The following CSMD1 variants were observed in gnomAD, a reference collection of about 807,000 sequenced individuals.
CSMD1 encodes the protein CUB and Sushi multiple domains 1.
A neutral mutation model predicts 417.5 loss-of-function variants in CSMD1; 213 were observed. The ratio of observed to expected loss-of-function variants is 0.51; its 90% CI spans 0.46 to 0.57. CSMD1 has a LOEUF of 0.57. CSMD1 is among the 20% of genes least tolerant of loss of function. The pLI is 0.00. For missense variants in CSMD1, 6,923 were observed against 4,529.7 expected, an observed-to-expected ratio of 1.53 and a Z score of -15.17; for synonymous variants, 2,862 against 1,736.8, an observed-to-expected ratio of 1.65 and a Z score of -16.11.
intron 1 of CSMD1, among the ~76,000 whole-genome samples, chr8:4,699,235 A>G (rs941307116): frequency 6.6e-6 from 1 of 152,192 alleles, no homozygotes; most frequent in Non-Finnish European, 1.5e-5. Flanking sequence ...TGCTTAAAGG[A>G]TAACTTTCAA....
intron 3 of CSMD1, among the ~76,000 whole-genome samples, chr8:4,166,927 G>C (rs1396156460): frequency 1.3e-5 from 2 of 152,198 alleles, no homozygotes; most frequent in African/African-American, 4.8e-5. Context: ...TCAGCAGCCA[G>C]GTGGGGTCAG....
rs111460003 is a variant in CSMD1, at chr8:4,655,553, G to C, written c.86-17995C>G. Reference sequence around the variant, plus strand: ...ATATTTACTTCCACTGACATTTTAAGAGGAAATAAACAGTTGAATTACTTA... The same window carrying C: ...ATATTTACTTCCACTGACATTTTAACAGGAAATAAACAGTTGAATTACTTA... On this transcript the variant is annotated intron_variant, in intron 1 of 69. Transcript: ENST00000635120. Among the ~76,000 whole-genome samples the C allele has an allele frequency of 2.2e-3, 335 of 152,202 alleles. 2 individuals are homozygous for C. The highest frequency in any genetic ancestry group is 7.7e-3 in the African/African-American group (320 of 41,476).
At chr8:4,745,084 G>T (rs147180300) in intron 1 of CSMD1, among the ~76,000 whole-genome samples, 3 of 151,834 alleles carry the variant, frequency 2.0e-5, no homozygotes, top group African/African-American at 7.3e-5. Context: ...ATAAAATCTC[G>T]AGAAATGCGT....
At chr8:3,567,929 C>T (rs73179142) in intron 10 of CSMD1, among the ~76,000 whole-genome samples, 35,286 of 152,036 alleles carry the variant, frequency 0.23, 4,393 homozygotes, top group Non-Finnish European at 0.28. Flanking sequence ...TGTTGACATC[C>T]CCATGGACGC....
chr8:4,197,679 G>T (rs28416648), intron 3 of CSMD1, among the ~76,000 whole-genome samples: 2,939 of 152,256 alleles, frequency 0.019, 52 homozygotes, highest in Non-Finnish European at 0.031. Flanking sequence ...AGGAGTTTGA[G>T]GCCAGCTTGG....
At chr8:4,332,105 C>G (rs973716996) in intron 3 of CSMD1, among the ~76,000 whole-genome samples, 4 of 152,060 alleles carry the variant, frequency 2.6e-5, no homozygotes, top group African/African-American at 7.2e-5. Context: ...TGCCAAGAAA[C>G]CACGCATAAT....
chr8:3,528,015 A>T (rs1355236015), intron 10 of CSMD1, among the ~76,000 whole-genome samples: 5 of 152,262 alleles, frequency 3.3e-5, no homozygotes, highest in African/African-American at 1.2e-4. Context: ...CTGACAACCA[A>T]AACTGTCTCC....
At chr8:3,983,923 A>T (rs374132897) in intron 5 of CSMD1, among the ~76,000 whole-genome samples, 4 of 151,786 alleles carry the variant, frequency 2.6e-5, no homozygotes, top group Non-Finnish European at 4.4e-5. Flanking sequence ...CACATCTGAC[A>T]GGGCTGTCAA....
intron 26 of CSMD1, among the ~76,000 whole-genome samples, chr8:3,259,151 G>A (rs1392426520): frequency 6.6e-6 from 1 of 152,180 alleles, no homozygotes; most frequent in East Asian, 1.9e-4. Flanking sequence ...GGGCCATATT[G>A]AGCTGAAAAC....
chr8:4,311,810 T>G (rs1240332329), intron 3 of CSMD1, among the ~76,000 whole-genome samples: 1 of 149,944 alleles, frequency 6.7e-6, no homozygotes, highest in African/African-American at 2.5e-5. Flanking sequence ...TAGGGCCTAG[T>G]GGATGGTGGA....
intron 2 of CSMD1, among the ~76,000 whole-genome samples, chr8:4,441,821 TG>T (rs1258333731): frequency 6.6e-6 from 1 of 152,158 alleles, no homozygotes; most frequent in Non-Finnish European, 1.5e-5. Flanking sequence ...AATCAAACAC[TG>T]AAGTTTGAGT....
intron 49 of CSMD1, among the ~76,000 whole-genome samples, chr8:3,076,658 G>A (rs1051400184): frequency 6.6e-6 from 1 of 152,178 alleles, no homozygotes; most frequent in Non-Finnish European, 1.5e-5. Context: ...ATTTCAAGCT[G>A]TTTCCTCCCA....
At chr8:3,007,769 T>G in intron 52 of CSMD1, among the ~76,000 whole-genome samples, 1 of 100,762 alleles carries the variant, frequency 9.9e-6, no homozygotes, top group Admixed American at 1.5e-4. Context: ...TGGGGACCGC[T>G]GTGGGGTGGG....
rs548639408 is a variant in CSMD1 at position 3,487,393 on chromosome 8, G to C, written c.1448+6230C>G. On this transcript the variant is annotated intron_variant, in intron 11 of 69. Coordinates refer to ENST00000635120, the MANE Select transcript of CSMD1 (RefSeq NM_033225.6). ...ATTTTTTGTATTTTTAGTAGAGACA[G>C]GGTTTCACCATGTTAGCCAGGATGG... Among the ~76,000 whole-genome samples, 903 of 152,154 alleles carry C rather than the reference G, an allele frequency of 5.9e-3. 12 individuals are homozygous for C. Among genetic ancestry groups the C allele is most frequent in the African/African-American group, 0.021 (871 of 41,512 alleles).
intron 5 of CSMD1, among the ~76,000 whole-genome samples, chr8:3,945,461 T>C (rs770975934): frequency 2.9e-4 from 44 of 152,254 alleles, no homozygotes; most frequent in South Asian, 8.3e-4. Context: ...ATCTTTTCAA[T>C]TGTTTTCTTA....
At chr8:3,651,334 G>A (rs887116321) in intron 7 of CSMD1, among the ~76,000 whole-genome samples, 1 of 152,004 alleles carries the variant, frequency 6.6e-6, no homozygotes, top group Non-Finnish European at 1.5e-5. Flanking sequence ...ACAAGATCTA[G>A]TCCCCACCCC....
intron 25 of CSMD1, among the ~76,000 whole-genome samples, chr8:3,302,206 G>A (rs547878046): frequency 6.6e-6 from 1 of 152,294 alleles, no homozygotes; most frequent in Admixed American, 6.5e-5. Flanking sequence ...TCTGAGGAGA[G>A]ATGTCAGGGA....
At chr8:4,199,586 A>G (rs1359126834) in intron 3 of CSMD1, among the ~76,000 whole-genome samples, 3 of 152,136 alleles carry the variant, frequency 2.0e-5, no homozygotes, top group South Asian at 2.1e-4. Context: ...AGACAAACCA[A>G]TTTATCTTTG....
rs1804633834 is a variant in CSMD1, at chr8:2,973,399, G to A, written c.8741-100C>T. 2.5e-6 allele frequency: 3 copies of A among 1,197,322 alleles called. No homozygotes were observed. The South Asian group carries it at 4.4e-5, about 18-fold the overall frequency. 74.2% of individuals were successfully genotyped at this position (1,197,322 alleles called of 1,614,324 possible). A position where few individuals can be genotyped will look rare whatever the true frequency, so the allele number is the denominator to read the frequency against. On this transcript the variant is annotated intron_variant, in intron 56 of 69. Coordinates refer to ENST00000635120, the MANE Select transcript of CSMD1 (RefSeq NM_033225.6). The stretch of plus-strand genomic sequence containing the variant: ...ATAATGAAAAGTTGTTGAAATTTGT[G>A]TTTCACATGAGTTATGGTTACACAA...
Sources: allele counts gnomAD v4.1 joint callset (sites outside exome capture counted in the v4.1 genomes callset), GRCh38; gene constraint gnomAD v4.1.1; transcripts MANE v1.5; gene names NCBI Gene and HGNC (gene_info 2026-07-23, HGNC 2026-07-21).